The following NELL1 variants were observed in gnomAD, a reference collection of about 807,000 sequenced individuals.
The protein encoded by NELL1 is protein kinase C-binding protein NELL1.
NELL1 carries 76 observed loss-of-function variants against 107.4 expected under a neutral mutation model. That is an observed-to-expected ratio of 0.71 (90% CI 0.59 to 0.86). The LOEUF is 0.86. Ranked by LOEUF, NELL1 falls within the 40% of genes least tolerant of loss-of-function variation. The probability of loss-of-function intolerance (pLI) is 0.00; values close to 1 mark genes in which losing one functional copy is unlikely to be tolerated. For synonymous variants in NELL1, 353 were observed against 341.2 expected, an observed-to-expected ratio of 1.03 and a Z score of -0.38; for missense variants, 1,024 against 1,005.5, an observed-to-expected ratio of 1.02 and a Z score of -0.25.
chr11:21,022,220 G>A (rs975965905), intron 12 of NELL1, among the ~76,000 whole-genome samples: 2 of 152,054 alleles, frequency 1.3e-5, no homozygotes, highest in Admixed American at 6.6e-5. Flanking sequence ...GGACCATGTG[G>A]CAGGTTCTTT....
intron 12 of NELL1, among the ~76,000 whole-genome samples, chr11:20,972,243 G>T (rs1225590210): frequency 6.6e-6 from 1 of 152,166 alleles, no homozygotes; most frequent in Admixed American, 6.5e-5. Context: ...TAAGGGGAAT[G>T]AAAAGATTTA....
chr11:21,503,775 T>A (rs1204018664), intron 15 of NELL1, among the ~76,000 whole-genome samples: 1 of 152,116 alleles, frequency 6.6e-6, no homozygotes, highest in Non-Finnish European at 1.5e-5. Context: ...TGCTGCAGTG[T>A]ACCTGAGTCT....
At chr11:21,213,445 T>A (rs116789944) in intron 13 of NELL1, among the ~76,000 whole-genome samples, 1 of 152,158 alleles carries the variant, frequency 6.6e-6, no homozygotes, top group Non-Finnish European at 1.5e-5. Flanking sequence ...AGGATTTTTT[T>A]ATAGATACTG....
chr11:20,728,929 A>C (rs116160081), intron 2 of NELL1, among the ~76,000 whole-genome samples: 1,840 of 152,264 alleles, frequency 0.012, 35 homozygotes, highest in African/African-American at 0.042. Context: ...TGATTCTTGC[A>C]ATCCAAAAGA....
At chr11:20,856,009 T>G (rs866016501) in intron 4 of NELL1, among the ~76,000 whole-genome samples, 1 of 152,254 alleles carries the variant, frequency 6.6e-6, no homozygotes, top group Admixed American at 6.5e-5. Context: ...CTTGGAAACT[T>G]TAATTAAACT....
intron 13 of NELL1, among the ~76,000 whole-genome samples, chr11:21,226,655 A>G (rs1013698288): frequency 1.3e-5 from 2 of 152,174 alleles, no homozygotes; most frequent in Admixed American, 6.5e-5. Context: ...ATATGCTACA[A>G]TTCCTCTCCT....
chr11:21,529,277 C>A (rs962693944), intron 15 of NELL1, among the ~76,000 whole-genome samples: 1 of 152,048 alleles, frequency 6.6e-6, no homozygotes. Context: ...ATTTTTATGA[C>A]CCATATTGAA....
chr11:20,894,985 C>CTTCTAT (rs1849693953), intron 5 of NELL1, among the ~76,000 whole-genome samples: 1 of 150,692 alleles, frequency 6.6e-6, no homozygotes, highest in African/African-American at 2.5e-5. Flanking sequence ...GAAATTATTC[C>CTTCTAT]CTCTGGCCGG....
Position 21,575,093 on chromosome 11 carries a change from G to C in NELL1, c.*71G>C, listed in dbSNP as rs1361070149. On this transcript the variant is annotated 3_prime_UTR_variant, in exon 20 of 20. Coordinates refer to ENST00000357134, the MANE Select transcript of NELL1 (RefSeq NM_006157.5). ...TCCAACGTGATTAAGGATAGGAATC[G>C]GTAGTTTGGTTTTTTTGTTTGTTTT... 1.6e-5 allele frequency: 21 copies of C among 1,337,850 alleles called. No individual in the cohort carries two copies. The highest frequency in any genetic ancestry group is 2.2e-5 in the Non-Finnish European group (21 of 934,974). The allele number at this position is 1,337,850 out of a possible 1,614,324, so 82.9% of individuals were successfully genotyped here. A position where few individuals can be genotyped will look rare whatever the true frequency, so the allele number is the denominator to read the frequency against.
At chr11:20,850,521 C>A (rs1590348212) in intron 4 of NELL1, among the ~76,000 whole-genome samples, 1 of 152,264 alleles carries the variant, frequency 6.6e-6, no homozygotes, top group Non-Finnish European at 1.5e-5. Flanking sequence ...ATATATTTGT[C>A]TGTAACCCTG....
chr11:21,299,511 ATGTGTGTGTGTGTGTGTGTG>A (rs71063696), intron 14 of NELL1, among the ~76,000 whole-genome samples: 31,895 of 136,526 alleles, frequency 0.23, 4,320 homozygotes, highest in Middle Eastern at 0.4. Context: ...ATTGTCTTAT[ATGTGTGTGTGTGTGTGTGTG>A]TGTGTGTGTG....
intron 6 of NELL1, 91 bp from the exon 7 acceptor site, chr11:20,919,161 C>A (rs1465330046): frequency 1.4e-6 from 1 of 691,612 alleles, no homozygotes; most frequent in Non-Finnish European, 2.3e-6. Context: ...CCCAAAAACT[C>A]TTCTACATAG....
intron 9 of NELL1, among the ~76,000 whole-genome samples, chr11:20,937,460 G>A (rs1290133387): frequency 6.6e-6 from 1 of 152,204 alleles, no homozygotes; most frequent in Non-Finnish European, 1.5e-5. Flanking sequence ...ACTGCTAACT[G>A]TACTCCACAG....
intron 3 of NELL1, among the ~76,000 whole-genome samples, chr11:20,832,985 C>T (rs148483206): frequency 1.7e-4 from 26 of 152,220 alleles, no homozygotes; most frequent in East Asian, 5.8e-4. Context: ...TCCCACTGAA[C>T]GCTCTGCTAA....
chr11:21,256,989 C>T lies in NELL1; in HGVS notation c.1549+27535C>T, dbSNP rs1279727721. On this transcript the variant is annotated intron_variant, in intron 14 of 19. Coordinates refer to ENST00000357134, the MANE Select transcript of NELL1 (RefSeq NM_006157.5). ...GAAAATGTGACCCAAATTTATCTCA[C>T]TCAGGCAGTATGTCACTGCTACGTA... 8.6e-5 allele frequency among the ~76,000 whole-genome samples: 13 copies of T among 151,970 alleles called. 1 individual carries two copies. The highest frequency in any genetic ancestry group is 7.2e-4 in the Admixed American group (11 of 15,234).
chr11:20,950,510 A>T (rs1281090096), intron 11 of NELL1, among the ~76,000 whole-genome samples: 1 of 152,160 alleles, frequency 6.6e-6, no homozygotes, highest in Non-Finnish European at 1.5e-5. Context: ...TGCATTTCTG[A>T]GTGGACTCAC....
chr11:21,374,705 C>T (rs1232156581), intron 15 of NELL1, among the ~76,000 whole-genome samples: 1 of 152,044 alleles, frequency 6.6e-6, no homozygotes, highest in Admixed American at 6.5e-5. Context: ...ATTTTAAACT[C>T]CTTGCTTTGG....
chr11:20,990,075 CT>C (rs939607924), intron 12 of NELL1, among the ~76,000 whole-genome samples: 2 of 151,890 alleles, frequency 1.3e-5, no homozygotes, highest in African/African-American at 4.8e-5. Flanking sequence ...CTTTTTCCTC[CT>C]TTTAGCACTG....
chr11:21,474,736 ATT>A (rs1268792958), intron 15 of NELL1, among the ~76,000 whole-genome samples: 5 of 152,048 alleles, frequency 3.3e-5, no homozygotes, highest in Admixed American at 2.6e-4. Flanking sequence ...ATAATTAGGT[ATT>A]TGTTTTTCTC....
Sources: gnomAD v4.1 joint callset for allele counts (sites outside exome capture counted in the v4.1 genomes callset) on GRCh38, gnomAD v4.1.1 for gene constraint, MANE v1.5 for transcripts, NCBI Gene and HGNC (gene_info 2026-07-23, HGNC 2026-07-21) for gene names.